SLC17A2: variants seen among roughly 807,000 people sequenced by gnomAD.
SLC17A2 encodes the protein solute carrier family 17 member 2, also known as sodium-dependent phosphate transport protein 3.
SLC17A2 carries 38 observed loss-of-function variants against 52.1 expected under a neutral mutation model. The observed-to-expected ratio is 0.73, with a 90% CI of 0.56 to 0.96. The LOEUF is 0.96. SLC17A2 is among the 40% of genes least tolerant of loss of function. The probability of loss-of-function intolerance (pLI) is 0.00; values close to 1 mark genes in which losing one functional copy is unlikely to be tolerated. For missense variants in SLC17A2, 508 were observed against 583.9 expected (o/e 0.87, Z 1.34); for synonymous variants, 226 against 211.9 (o/e 1.07, Z -0.58).
intron 3 of SLC17A2, among the ~76,000 whole-genome samples, 167 bp from the exon 4 acceptor site, chr6:25,921,579 T>A (rs1050171953): frequency 6.1e-5 from 8 of 130,826 alleles, no homozygotes; most frequent in African/African-American, 2.0e-4. Context: ...CCTAATTTGC[T>A]TGTCTTAGTA....
chr6:25,924,603 G>A (rs754617913), intron 2 of SLC17A2, among the ~76,000 whole-genome samples: 7 of 151,916 alleles, frequency 4.6e-5, no homozygotes, highest in Non-Finnish European at 1.0e-4. Context: ...GAGGTCAGGA[G>A]TTTGAGACCA....
At chr6:25,926,501 T>C (rs769556952) in intron 1 of SLC17A2, among the ~76,000 whole-genome samples, 2 of 152,236 alleles carry the variant, frequency 1.3e-5, no homozygotes, top group Non-Finnish European at 2.9e-5. Context: ...AAAATTATAA[T>C]GAACAGGGAC....
In SLC17A2 at chr6:25,920,917, T is replaced by A. The variant is rs988717676; in HGVS notation, c.562+89A>T. On this transcript the variant is annotated intron_variant, in intron 5 of 11. Coordinates refer to ENST00000377850, the MANE Select transcript of SLC17A2 (RefSeq NM_001286123.3). ...GAATTTTTCAGCAGTACTTTTTCTC[T>A]CTCTTCCCCAAACCATTTGATTCAT... 1.4e-5 allele frequency: 18 copies of A among 1,246,344 alleles called. No individual in the cohort carries two copies. The Admixed American group carries it at 3.2e-4, about 22-fold the overall frequency. The allele number at this position is 1,246,344 out of a possible 1,614,324, so 77.2% of individuals were successfully genotyped here.
In SLC17A2 at chr6:25,914,658, G is replaced by T. The variant is rs2151541888; in HGVS notation, c.1224C>A (p.Phe408Leu). 2 of 1,606,126 alleles carry T rather than the reference G, an allele frequency of 1.2e-6. No individual in the cohort carries two copies. The highest frequency in any genetic ancestry group is 1.7e-5 in the Admixed American group (1 of 59,984). The stretch of plus-strand genomic sequence containing the variant: ...CAAATCCCCTTGAGATTCCCATGAG[G>T]AAACTTGCATATCTGTGGGAAGATG... ...TLDIAPRYASFLMGISRGFGL... is the reference protein window; with the variant it reads ...TLDIAPRYASLLMGISRGFGL... The change falls in exon 11 of 12, where the codon TTC (phenylalanine) becomes TTA (leucine). Residue 408 changes from phenylalanine (F) to leucine (L), a missense_variant. By Grantham distance (22) the Phe-to-Leu change is conservative. Coordinates refer to ENST00000377850, the MANE Select transcript of SLC17A2 (RefSeq NM_001286123.3).
At chr6:25,927,400 G>A (rs1766806162) in intron 1 of SLC17A2, among the ~76,000 whole-genome samples, 1 of 152,170 alleles carries the variant, frequency 6.6e-6, no homozygotes, top group Admixed American at 6.5e-5. Context: ...TAGTACTCTA[G>A]TGTACAAAGC....
rs1766553202 is a variant in SLC17A2 at position 25,921,354 on chromosome 6, T to C, written c.299A>G (p.Tyr100Cys). The C allele has an allele frequency of 6.2e-7, 1 of 1,614,134 alleles. No individual in the cohort carries two copies. Among genetic ancestry groups the C allele is most frequent in the South Asian group, 1.1e-5 (1 of 91,080 alleles). Residue 100 changes from tyrosine to cysteine, a missense_variant, in exon 4 of 12, where the codon TAT becomes TGT. Tyr to Cys is a radical substitution (Grantham distance 194). Transcript: ENST00000377850. ...TGGGATCAGAGTCAGTATTATCCCA[T>C]AGTTGATGGAGCTAAAGATGATACC... ...TQGIIFSSIN[Y>C]GIILTLIPSG...
chr6:25,915,939 C>G, intron 8 of SLC17A2, 71 bp from the exon 9 acceptor site: 3 of 1,472,660 alleles, frequency 2.0e-6, no homozygotes, highest in Non-Finnish European at 2.8e-6. Context: ...GTTACACAGA[C>G]CAGCCATTAA....
chr6:25,915,756 C>T lies in SLC17A2; in HGVS notation c.1043G>A (p.Arg348Gln), dbSNP rs781604221. 5 of 1,614,110 alleles carry T rather than the reference C, an allele frequency of 3.1e-6. No individual in the cohort carries two copies. The highest frequency in any genetic ancestry group is 2.2e-5 in the South Asian group (2 of 91,066). The change falls in exon 9 of 12, where the codon CGA becomes CAA. Residue 348 changes from arginine to glutamine, a missense_variant. Transcript: ENST00000377850. ...CTTACCAAGAGATGAAAAGAGCTTT[C>T]GCACAGTGATCAATCTGAGAAGATT... ...SRNLLRLITV[R>Q]KLFSSLGLLL...
In SLC17A2 at chr6:25,918,356, G is replaced by A. The variant is rs115821474; in HGVS notation, c.649+131C>T. On this transcript the variant is annotated intron_variant, in intron 6 of 11. Transcript: ENST00000377850. ...GACTAGATTAAAAATGATACCAACC[G>A]TTGACATTTTTTATCATCTTCCATT... 3.3e-3 allele frequency: 2,165 copies of A among 649,834 alleles called. 35 individuals carry two copies. The African/African-American group carries it at 0.035, about 11-fold the overall frequency. 40.3% of individuals were successfully genotyped at this position (649,834 alleles called of 1,614,324 possible).
intron 11 of SLC17A2, 64 bp downstream of exon 11, chr6:25,914,516 G>T: frequency 2.0e-6 from 2 of 996,262 alleles, no homozygotes; most frequent in South Asian, 2.6e-5. Context: ...TTAGAGCACC[G>T]TGTGTATCTC....
At chr6:25,927,183 C>A (rs1265522416) in intron 1 of SLC17A2, among the ~76,000 whole-genome samples, 2 of 152,310 alleles carry the variant, frequency 1.3e-5, no homozygotes, top group Middle Eastern at 3.4e-3. Context: ...TATTCATAAT[C>A]TGTGACCTTA....
chr6:25,925,717 G>A, intron 2 of SLC17A2, 52 bp downstream of exon 2: 2 of 1,512,348 alleles, frequency 1.3e-6, no homozygotes, highest in Non-Finnish European at 9.2e-7. Context: ...AAATGTGTCG[G>A]AATAAGCTTC....
Position 25,925,884 on chromosome 6 carries a change from G to A in SLC17A2, c.-83-5C>T. The A allele has an allele frequency of 2.3e-6, 3 of 1,301,074 alleles. No individual in the cohort carries two copies. The highest frequency in any genetic ancestry group is 3.4e-6 in the Non-Finnish European group (3 of 894,404). The allele number at this position is 1,301,074 out of a possible 1,614,324, so 80.6% of individuals were successfully genotyped here. ...TTTACTACGACAGTCTTTTATCTAT[G>A]GAGAGAACATAATCCAAAACATAAT... is the stretch of plus-strand genomic sequence containing the variant. On this transcript the variant is annotated splice_polypyrimidine_tract_variant and splice_region_variant and intron_variant, in intron 1 of 11. Coordinates refer to ENST00000377850, the MANE Select transcript of SLC17A2 (RefSeq NM_001286123.3).
Position 25,921,210 on chromosome 6 carries a change from A to G in SLC17A2, c.443T>C (p.Ile148Thr). 1 of 1,614,218 alleles carries G rather than the reference A, an allele frequency of 6.2e-7. No homozygotes were observed. Residue 148 changes from isoleucine (I) to threonine (T), a missense_variant, in exon 4 of 12, where the codon ATC becomes ACC. Transcript: ENST00000377850. ...CATGCCCTGGACTGTCCGAACCATG[A>G]TGACCAAAATCACTCCGAAGTCAGC... ...LAADFGVILV[I>T]MVRTVQGMAQ...
At chr6:25,922,426 A>G (rs1766595083) in intron 3 of SLC17A2, among the ~76,000 whole-genome samples, 1 of 152,250 alleles carries the variant, frequency 6.6e-6, no homozygotes, top group Non-Finnish European at 1.5e-5. Context: ...TGCTCAGGGC[A>G]AAAACTTTCC....
rs747323348 is a variant in SLC17A2 at position 25,915,669 on chromosome 6, C to T, written c.1064-23G>A. On this transcript the variant is annotated intron_variant, in intron 9 of 11. Coordinates refer to ENST00000377850, the MANE Select transcript of SLC17A2 (RefSeq NM_001286123.3). ...GCCCTGGGCAATGAGGACATGCTGT[C>T]AGGGAACCCTCTGAGACCATGTGCA... 2.5e-6 allele frequency: 4 copies of T among 1,613,174 alleles called. No homozygotes were observed. The African/African-American group carries it at 5.3e-5, about 22-fold the overall frequency.
At chr6:25,919,222 A>G (rs1171346826) in intron 5 of SLC17A2, among the ~76,000 whole-genome samples, 2 of 152,184 alleles carry the variant, frequency 1.3e-5, no homozygotes, top group African/African-American at 2.4e-5. Flanking sequence ...ACCATGTCCA[A>G]TGCACTCCAA....
At chr6:25,922,513 C>T (rs945563747) in intron 3 of SLC17A2, among the ~76,000 whole-genome samples, 1 of 152,166 alleles carries the variant, frequency 6.6e-6, no homozygotes, top group African/African-American at 2.4e-5. Flanking sequence ...GTCCAGTGAA[C>T]ACTGCATGTT....
At chr6:25,918,864 A>G (rs1396015585) in intron 5 of SLC17A2, among the ~76,000 whole-genome samples, 1 of 152,242 alleles carries the variant, frequency 6.6e-6, no homozygotes, top group Admixed American at 6.5e-5. Context: ...ACAGCCCATT[A>G]GCATTTTCTT....
Sources: allele counts gnomAD v4.1 joint callset (sites outside exome capture counted in the v4.1 genomes callset), GRCh38; gene constraint gnomAD v4.1.1; transcripts MANE v1.5; gene names NCBI Gene and HGNC (gene_info 2026-07-23, HGNC 2026-07-21).